The following EHHADH variants were observed in gnomAD, a reference collection of about 807,000 sequenced individuals.
EHHADH encodes peroxisomal bifunctional enzyme.
EHHADH carries 48 observed loss-of-function variants against 64.4 expected under a neutral mutation model. The ratio of observed to expected loss-of-function variants is 0.75; its 90% confidence interval spans 0.59 to 0.95. The LOEUF is 0.95. Among genes scored for constraint, EHHADH ranks in the 40% least tolerant of loss-of-function variants. The pLI, the probability that EHHADH is intolerant of heterozygous loss-of-function variation, is 0.00. For synonymous variants in EHHADH, 308 were observed against 326.7 expected (o/e 0.94, Z 0.62); for missense variants, 854 against 876.6 (o/e 0.97, Z 0.33).
In EHHADH at chr3:185,192,828, G is replaced by A. The variant is rs1165907233; in HGVS notation, c.1570C>T (p.Leu524Phe). The A allele has an allele frequency of 2.5e-6, 4 of 1,614,096 alleles. No homozygotes were observed. The highest frequency in any genetic ancestry group is 2.2e-5 in the East Asian group (1 of 44,880). Reference sequence around the variant, plus strand: ...TTCCAGCCCACATCCAACCCAGCAAGATCAGACACTCTAAAAGGTCCCATT... The same window carrying A: ...TTCCAGCCCACATCCAACCCAGCAAAATCAGACACTCTAAAAGGTCCCATT... ...FKMGPFRVSDLAGLDVGWKSR... is the reference protein window; with the variant it reads ...FKMGPFRVSDFAGLDVGWKSR... Residue 524 changes from leucine to phenylalanine, a missense_variant, in exon 7 of 7, where the codon CTT becomes TTT. By Grantham distance (22) the Leu-to-Phe change is conservative. Transcript: ENST00000231887.
At chr3:185,204,124 C>A (rs1718305161) in intron 6 of EHHADH, among the ~76,000 whole-genome samples, 1 of 116,296 alleles carries the variant, frequency 8.6e-6, no homozygotes. Context: ...CAGAACAAGA[C>A]TCTGTCTCAA....
intron 2 of EHHADH, among the ~76,000 whole-genome samples, chr3:185,239,269 C>CT (rs1447532704): frequency 6.6e-6 from 1 of 151,908 alleles, no homozygotes; most frequent in Non-Finnish European, 1.5e-5. Context: ...TATTTGAGCT[C>CT]TTTTTTGTTT....
At chr3:185,220,059 C>A (rs1409497774) in intron 4 of EHHADH, among the ~76,000 whole-genome samples, 1 of 152,094 alleles carries the variant, frequency 6.6e-6, no homozygotes, top group Non-Finnish European at 1.5e-5. Flanking sequence ...TCAGCCTACC[C>A]AGGTTAAGGG....
At chr3:185,194,466 G>A (rs1718000202) in intron 6 of EHHADH, among the ~76,000 whole-genome samples, 1 of 152,004 alleles carries the variant, frequency 6.6e-6, no homozygotes. Context: ...TACAAAATCA[G>A]CTGGGTGTGG....
At chr3:185,251,558 T>C (rs1425082004) in intron 1 of EHHADH, among the ~76,000 whole-genome samples, 1 of 152,138 alleles carries the variant, frequency 6.6e-6, no homozygotes, top group East Asian at 1.9e-4. Flanking sequence ...CATGGCTGGC[T>C]AAACTAGCAA....
intron 3 of EHHADH, among the ~76,000 whole-genome samples, chr3:185,232,927 G>T (rs938986308): frequency 4.6e-5 from 7 of 152,066 alleles, no homozygotes; most frequent in African/African-American, 1.7e-4. Flanking sequence ...CACATTTCCA[G>T]ATAAAGAAAA....
intron 1 of EHHADH, among the ~76,000 whole-genome samples, chr3:185,250,802 T>C (rs1719725766): frequency 6.6e-6 from 1 of 152,198 alleles, no homozygotes; most frequent in African/African-American, 2.4e-5. Context: ...AAGCCAAATC[T>C]GACCATGAAA....
chr3:185,243,487 G>GT (rs983096125), intron 2 of EHHADH, among the ~76,000 whole-genome samples: 7 of 151,976 alleles, frequency 4.6e-5, no homozygotes, highest in Admixed American at 1.3e-4. Flanking sequence ...TCTGGGTTTG[G>GT]TTTTTTTCTT....
rs185570128 is a variant in EHHADH at position 185,253,774 on chromosome 3, A to G, written c.74+175T>C. ...GCTAATCTAGGTTAAAAAAAAAAAA[A>G]AAGAAAAGAAAAAGAAAGAAAGAAA... On this transcript the variant is annotated intron_variant, in intron 1 of 6. Coordinates refer to ENST00000231887, the MANE Select transcript of EHHADH (RefSeq NM_001966.4). 1,707 of 1,347,268 alleles carry G rather than the reference A, an allele frequency of 1.3e-3. 20 individuals carry two copies. The African/African-American group carries it at 0.022, about 17-fold the overall frequency. The allele number at this position is 1,347,268 out of a possible 1,614,324, so 83.5% of individuals were successfully genotyped here.
intron 6 of EHHADH, among the ~76,000 whole-genome samples, chr3:185,199,449 T>C (rs943949785): frequency 1.3e-5 from 2 of 152,108 alleles, no homozygotes; most frequent in African/African-American, 2.4e-5. Context: ...AGATCCTCCA[T>C]TGCCACCCAG....
rs1718675367 is a variant in EHHADH at position 185,216,113 on chromosome 3, T to A, written c.568+2023A>T. Among the ~76,000 whole-genome samples, 1 of 152,322 alleles carries A rather than the reference T, an allele frequency of 6.6e-6. No homozygotes were observed. The highest frequency in any genetic ancestry group is 1.9e-4 in the East Asian group (1 of 5,190). ...GTCGTTGAGATGAAACACTATTTTG[T>A]AAGTTTTATAAAGTAAAAATGCTTA... On this transcript the variant is annotated intron_variant, in intron 5 of 6. Transcript: ENST00000231887. The surrounding 1 kb of genome is among the most constrained non-coding windows in gnomAD (Gnocchi z 5.3).
chr3:185,199,456 C>T (rs1718165732), intron 6 of EHHADH, among the ~76,000 whole-genome samples: 1 of 152,068 alleles, frequency 6.6e-6, no homozygotes, highest in Non-Finnish European at 1.5e-5. Context: ...CCATTGCCAC[C>T]CAGATGTAGA....
At chr3:185,227,292 G>A (rs544269072) in intron 4 of EHHADH, among the ~76,000 whole-genome samples, 7 of 152,192 alleles carry the variant, frequency 4.6e-5, no homozygotes. Flanking sequence ...CAGCACTTTG[G>A]GGGGCCAAGG....
In EHHADH at chr3:185,192,284, C is replaced by T. The variant is rs756205658; in HGVS notation, c.2114G>A (p.Gly705Glu). Residue 705 changes from glycine (G) to glutamate (E), a missense_variant, in exon 7 of 7, where the codon GGA becomes GAA. Transcript: ENST00000231887. The stretch of plus-strand genomic sequence containing the variant: ...TTGCCATTCTTTCAGGGGAGGGTTT[C>T]CCTGAGAAGCCAGTTTTTTTAGATA... The part of the protein sequence containing the change: ...SDYLKKLASQ[G>E]NPPLKEWQSL... The T allele has an allele frequency of 1.9e-5, 30 of 1,614,016 alleles. No homozygotes were observed. The Middle Eastern group carries it at 9.9e-4, about 53-fold the overall frequency.
intron 4 of EHHADH, among the ~76,000 whole-genome samples, chr3:185,223,155 T>C (rs74531929): frequency 1.8e-3 from 277 of 152,330 alleles, no homozygotes; most frequent in Admixed American, 5.2e-3. Context: ...ACCTCTGTTA[T>C]GTATCTTCCA....
intron 4 of EHHADH, among the ~76,000 whole-genome samples, chr3:185,228,279 T>C (rs1014183134): frequency 8.5e-5 from 2 of 23,598 alleles, no homozygotes; most frequent in East Asian, 1.2e-3. Flanking sequence ...TATATATATA[T>C]GGAGAGAGAG....
intron 2 of EHHADH, among the ~76,000 whole-genome samples, chr3:185,237,494 T>C (rs1465779530): frequency 1.3e-5 from 2 of 152,236 alleles, no homozygotes; most frequent in Non-Finnish European, 2.9e-5. Flanking sequence ...TGTAGATTTT[T>C]CAAAATGGAT....
intron 6 of EHHADH, among the ~76,000 whole-genome samples, chr3:185,197,836 A>C (rs1718107100): frequency 6.6e-6 from 1 of 152,034 alleles, no homozygotes; most frequent in South Asian, 2.1e-4. Context: ...TCTCTCTGTC[A>C]CCCAGACTGG....
chr3:185,203,819 T>G (rs555941638), intron 6 of EHHADH, among the ~76,000 whole-genome samples: 1 of 151,938 alleles, frequency 6.6e-6, no homozygotes, highest in African/African-American at 2.4e-5. Context: ...GAATGAGAGA[T>G]TCATACAGGG....
Sources: allele counts gnomAD v4.1 joint callset (sites outside exome capture counted in the v4.1 genomes callset), GRCh38; gene constraint gnomAD v4.1.1; non-coding constraint Gnocchi (gnomAD v3.1); transcripts MANE v1.5; gene names NCBI Gene and HGNC (gene_info 2026-07-23, HGNC 2026-07-21).